PRKN: variants seen among roughly 807,000 people sequenced by gnomAD.
PRKN encodes the protein parkin RBR E3 ubiquitin protein ligase, also known as E3 ubiquitin-protein ligase parkin.
In PRKN, 56 loss-of-function variants were observed where a neutral mutation model predicts 59.5. The observed-to-expected ratio is 0.94, with a 90% CI of 0.76 to 1.18. The LOEUF (loss-of-function observed/expected upper bound fraction) is 1.18, where lower values mean the gene tolerates loss of function less well. PRKN is among the 50% of genes most tolerant of loss of function. The pLI is 0.00. For missense variants in PRKN, 657 were observed against 596.4 expected (o/e 1.10, Z -1.06); for synonymous variants, 250 against 222.1 (o/e 1.13, Z -1.12).
chr6:162,076,348 G>C (rs1778827433), intron 4 of PRKN, among the ~76,000 whole-genome samples: 1 of 150,590 alleles, frequency 6.6e-6, no homozygotes. Flanking sequence ...GGACAAGTAT[G>C]TTGGCAAAGA....
chr6:162,427,393 C>T (rs1789288155), intron 2 of PRKN, among the ~76,000 whole-genome samples: 1 of 151,948 alleles, frequency 6.6e-6, no homozygotes, highest in Admixed American at 6.6e-5. Context: ...ATTTGTGAAG[C>T]AAAAAAATTA....
intron 4 of PRKN, among the ~76,000 whole-genome samples, chr6:162,122,746 C>G (rs1314549057): frequency 6.6e-6 from 1 of 151,812 alleles, no homozygotes; most frequent in African/African-American, 2.4e-5. Context: ...ATCTATCTAT[C>G]TATCTATCTA....
At chr6:162,323,947 CTTTA>C (rs139084520) in intron 2 of PRKN, among the ~76,000 whole-genome samples, 6,297 of 152,040 alleles carry the variant, frequency 0.041, 156 homozygotes, top group East Asian at 0.1. Flanking sequence ...TTCAGAGTAA[CTTTA>C]TTTATAACAG....
At chr6:162,413,527 CAAAAGTTGGTTTAGGGCCAAA>C (rs901498420) in intron 2 of PRKN, among the ~76,000 whole-genome samples, 1 of 152,166 alleles carries the variant, frequency 6.6e-6, no homozygotes, top group African/African-American at 2.4e-5. Flanking sequence ...CAAAAGGCAA[CAAAAGTTGGTTTAGGGCCAAA>C]CATTATCTGT....
At position 161,580,345 on chromosome 6, in the gene PRKN, G is replaced by T. The variant is rs902038758; in HGVS notation, c.872-10929C>A. Among the ~76,000 whole-genome samples, 15 of 152,244 alleles carry T rather than the reference G, an allele frequency of 9.9e-5. No individual in the cohort carries two copies. In the East Asian group the frequency reaches 2.9e-3, roughly 29 times the overall value. On this transcript the variant is annotated intron_variant, in intron 7 of 11. Transcript: ENST00000366898. ...GTTCAACCAGGTGCCTCTAAAACAC[G>T]AGACCTTGAGCCTTGGTATGCGGCT...
chr6:162,568,584 A>G (rs867218522), intron 1 of PRKN: 2 of 779,544 alleles, frequency 2.6e-6, no homozygotes, highest in African/African-American at 1.8e-5. Context: ...GGAGAAGGAG[A>G]AGGAGCAGAT....
chr6:162,415,312 G>T (rs1440384379), intron 2 of PRKN, among the ~76,000 whole-genome samples: 1 of 152,172 alleles, frequency 6.6e-6, no homozygotes, highest in African/African-American at 2.4e-5. Flanking sequence ...AAGACACAAT[G>T]TGGCACCGAA....
At chr6:161,568,571 C>T (rs561869803) in intron 8 of PRKN, among the ~76,000 whole-genome samples, 5 of 148,292 alleles carry the variant, frequency 3.4e-5, no homozygotes, top group South Asian at 2.3e-4. Context: ...CCAGCCTGGG[C>T]GACAGAGCAA....
rs1018521421 is a variant in PRKN at position 162,056,020 on chromosome 6, C to T, written c.535-1846G>A. ...ATGCACGCACACAGGCATGCACGCA[C>T]ACAGCATGCCACACACCACACATGC... On this transcript the variant is annotated intron_variant, in intron 4 of 11. Transcript: ENST00000366898. This position sits in a 1 kb window ranked among gnomAD's most constrained non-coding sequence, Gnocchi z 4.9. Among the ~76,000 whole-genome samples the T allele has an allele frequency of 6.6e-6, 1 of 150,852 alleles. No individual in the cohort carries two copies. The highest frequency in any genetic ancestry group is 1.5e-5 in the Non-Finnish European group (1 of 67,704).
intron 1 of PRKN, among the ~76,000 whole-genome samples, chr6:162,598,717 G>C (rs1378180809): frequency 1.3e-5 from 2 of 152,010 alleles, no homozygotes; most frequent in Non-Finnish European, 1.5e-5. Context: ...GCTGGGTGTG[G>C]TAGTGCATGC....
At position 161,549,014 on chromosome 6, in the gene PRKN, C is replaced by G. The variant is rs1779898502; in HGVS notation, c.934-11G>C. On this transcript the variant is annotated splice_polypyrimidine_tract_variant and intron_variant, in intron 8 of 11. Coordinates refer to ENST00000366898, the MANE Select transcript of PRKN (RefSeq NM_004562.3). The surrounding 1 kb of genome is among the most constrained non-coding windows in gnomAD (Gnocchi z 6.0). ...CTGGTACCGGTTGTACTGCAAAACC[C>G]AAAAAGCAGATTGAGCTTTCAAACT... 2 of 1,614,044 alleles carry G rather than the reference C, an allele frequency of 1.2e-6. No homozygotes were observed. The highest frequency in any genetic ancestry group is 8.5e-7 in the Non-Finnish European group (1 of 1,180,016).
At chr6:161,874,751 T>TATAA (rs1794615147) in intron 6 of PRKN, among the ~76,000 whole-genome samples, 1 of 38,368 alleles carries the variant, frequency 2.6e-5, no homozygotes, top group African/African-American at 1.1e-4. Context: ...ATAAAATATA[T>TATAA]AATATATATA....
chr6:162,435,271 A>T (rs1199073251), intron 2 of PRKN, among the ~76,000 whole-genome samples: 2 of 152,178 alleles, frequency 1.3e-5, no homozygotes, highest in East Asian at 3.9e-4. Context: ...CAATGGAAAC[A>T]TCTATGAGAT....
intron 1 of PRKN, among the ~76,000 whole-genome samples, chr6:162,687,119 C>T (rs4709647): frequency 0.44 from 66,087 of 151,266 alleles, 14,820 homozygotes; most frequent in East Asian, 0.66. Flanking sequence ...ACACTGCTTT[C>T]GGCAGGATGG....
intron 7 of PRKN, among the ~76,000 whole-genome samples, chr6:161,711,592 G>C (rs2052282817): frequency 1.3e-5 from 2 of 152,156 alleles, no homozygotes; most frequent in Non-Finnish European, 2.9e-5. Flanking sequence ...AATTTGATTG[G>C]ATTGAAGGAT....
At chr6:162,111,711 A>C (rs1780448001) in intron 4 of PRKN, among the ~76,000 whole-genome samples, 1 of 152,104 alleles carries the variant, frequency 6.6e-6, no homozygotes, top group South Asian at 2.1e-4. Flanking sequence ...CAATTAAAAA[A>C]AAAAAGGTGG....
At chr6:162,388,843 A>G (rs1011557750) in intron 2 of PRKN, among the ~76,000 whole-genome samples, 2 of 152,264 alleles carry the variant, frequency 1.3e-5, no homozygotes, top group South Asian at 4.1e-4. Flanking sequence ...CAAATGTAGA[A>G]TATAAAGTCG....
At chr6:162,414,478 C>T (rs1318133216) in intron 2 of PRKN, among the ~76,000 whole-genome samples, 1 of 151,746 alleles carries the variant, frequency 6.6e-6, no homozygotes, top group South Asian at 2.1e-4. Context: ...GAGGCCAAGG[C>T]GGCTGGATCA....
chr6:161,472,276 G>C (rs1345420306), intron 9 of PRKN, among the ~76,000 whole-genome samples: 1 of 152,162 alleles, frequency 6.6e-6, no homozygotes, highest in Non-Finnish European at 1.5e-5. Context: ...AAGAGAGCAA[G>C]TCTTACTTGC....
Sources: allele counts gnomAD v4.1 joint callset (sites outside exome capture counted in the v4.1 genomes callset), GRCh38; gene constraint gnomAD v4.1.1; non-coding constraint Gnocchi (gnomAD v3.1); transcripts MANE v1.5; gene names NCBI Gene and HGNC (gene_info 2026-07-23, HGNC 2026-07-21).